The following FGGY variants were observed in gnomAD, a reference collection of about 807,000 sequenced individuals.
FGGY encodes FGGY carbohydrate kinase domain-containing protein.
Under a neutral mutation model 71.3 loss-of-function variants are expected in FGGY, and 72 were observed. That is an observed-to-expected ratio of 1.01 (90% CI 0.84 to 1.23). FGGY has a LOEUF of 1.23. FGGY is among the 50% of genes most tolerant of loss of function. The probability of loss-of-function intolerance (pLI) is 0.00; values close to 1 mark genes in which losing one functional copy is unlikely to be tolerated. For missense variants in FGGY, 668 were observed against 682.3 expected, an observed-to-expected ratio of 0.98 and a Z score of 0.23; for synonymous variants, 251 against 250.3, an observed-to-expected ratio of 1.00 and a Z score of -0.02.
At chr1:59,561,586 A>C (rs1464107934) in intron 8 of FGGY, among the ~76,000 whole-genome samples, 4 of 152,216 alleles carry the variant, frequency 2.6e-5, no homozygotes, top group Admixed American at 1.3e-4. Flanking sequence ...GGAGATAAGC[A>C]GTAATACTAC....
rs531672909 is a variant in FGGY, at chr1:59,691,230, G to C, written c.1512+17097G>C. Among the ~76,000 whole-genome samples the C allele has an allele frequency of 2.0e-5, 3 of 152,302 alleles. No homozygotes were observed. In the East Asian group the frequency reaches 5.8e-4, roughly 29 times the overall value. On this transcript the variant is annotated intron_variant, in intron 14 of 15. Coordinates refer to ENST00000303721, the MANE Select transcript of FGGY (RefSeq NM_018291.5). ...AGGAAATAACTGAAAATATTATAAT[G>C]TTTAATAATGATACTTAATAATTCA...
chr1:59,686,319 C>T (rs2097543790), intron 14 of FGGY, among the ~76,000 whole-genome samples: 1 of 152,090 alleles, frequency 6.6e-6, no homozygotes, highest in Non-Finnish European at 1.5e-5. Context: ...TTTTACAAGC[C>T]TGGCATCAGA....
At chr1:59,422,626 T>G (rs1319657706) in intron 5 of FGGY, among the ~76,000 whole-genome samples, 1 of 151,282 alleles carries the variant, frequency 6.6e-6, no homozygotes, top group Non-Finnish European at 1.5e-5. Context: ...GCCCAGGAGG[T>G]TGAGGCTGCA....
chr1:59,423,747 C>T (rs150495865), intron 5 of FGGY, among the ~76,000 whole-genome samples: 488 of 152,298 alleles, frequency 3.2e-3, no homozygotes, highest in Admixed American at 7.3e-3. Context: ...GTCATACTAC[C>T]GTGGCTCACC....
At chr1:59,656,973 G>A (rs1442332399) in intron 11 of FGGY, among the ~76,000 whole-genome samples, 1 of 152,122 alleles carries the variant, frequency 6.6e-6, no homozygotes, top group Non-Finnish European at 1.5e-5. Context: ...CTGAGCTCTG[G>A]AGGCACTGGA....
intron 8 of FGGY, among the ~76,000 whole-genome samples, chr1:59,600,062 T>G (rs1001869421): frequency 1.3e-5 from 2 of 152,124 alleles, no homozygotes; most frequent in African/African-American, 4.8e-5. Context: ...TGAGTGACGC[T>G]TAAGAGAGTA....
chr1:59,467,911 G>T (rs917268746), intron 6 of FGGY, among the ~76,000 whole-genome samples: 6 of 149,698 alleles, frequency 4.0e-5, no homozygotes, highest in Admixed American at 6.6e-5. Context: ...GTTTTGTTTT[G>T]TTTTTTTTTG....
intron 11 of FGGY, among the ~76,000 whole-genome samples, chr1:59,643,898 C>A (rs998418237): frequency 6.6e-6 from 1 of 152,204 alleles, no homozygotes; most frequent in Non-Finnish European, 1.5e-5. Context: ...CCCAAAGTCA[C>A]AAAGCCAAGA....
chr1:59,428,292 C>T (rs1374105750), intron 5 of FGGY, among the ~76,000 whole-genome samples: 2 of 149,886 alleles, frequency 1.3e-5, no homozygotes, highest in African/African-American at 4.9e-5. Flanking sequence ...TCACTTAACC[C>T]TCATCCTTAC....
At chr1:59,352,454 T>C (rs1166421034) in intron 4 of FGGY, among the ~76,000 whole-genome samples, 1 of 152,254 alleles carries the variant, frequency 6.6e-6, no homozygotes, top group Non-Finnish European at 1.5e-5. Flanking sequence ...ACCAACTGTC[T>C]GGAATGTCAC....
chr1:59,612,253 T>C (rs374260340), intron 9 of FGGY, among the ~76,000 whole-genome samples: 9 of 152,180 alleles, frequency 5.9e-5, no homozygotes, highest in African/African-American at 1.9e-4. Context: ...AGAGAAAGGT[T>C]GGGTTACCCA....
At chr1:59,674,617 G>A (rs562193701) in intron 14 of FGGY, among the ~76,000 whole-genome samples, 2 of 152,146 alleles carry the variant, frequency 1.3e-5, no homozygotes, top group African/African-American at 4.8e-5. Context: ...TAGGAAGAAG[G>A]AAACAATTTG....
At chr1:59,370,658 A>T (rs2057443019) in intron 4 of FGGY, among the ~76,000 whole-genome samples, 1 of 151,928 alleles carries the variant, frequency 6.6e-6, no homozygotes, top group Non-Finnish European at 1.5e-5. Flanking sequence ...GCCAGAGAGA[A>T]AGGTCAGGTT....
At chr1:59,762,405 CA>C (rs1214981008) in intron 15 of FGGY, 97 bp from the exon 16 acceptor site, 2 of 854,098 alleles carry the variant, frequency 2.3e-6, no homozygotes, top group African/African-American at 3.4e-5. Flanking sequence ...GTGTCAGCAT[CA>C]CCACCACACA....
chr1:59,296,746 C>T (rs1327794658), upstream of FGGY: 2 of 139,244 alleles, frequency 1.4e-5, no homozygotes, highest in African/African-American at 5.2e-5. Context: ...CCGCGCTTTA[C>T]AGGGGCCGCG....
chr1:59,603,249 A>G (rs1233902097), intron 8 of FGGY, among the ~76,000 whole-genome samples: 3 of 152,200 alleles, frequency 2.0e-5, no homozygotes, highest in Non-Finnish European at 4.4e-5. Flanking sequence ...GTAATTTTGA[A>G]TCTTGATTTG....
At chr1:59,654,127 A>G (rs1236212832) in intron 11 of FGGY, among the ~76,000 whole-genome samples, 2 of 152,254 alleles carry the variant, frequency 1.3e-5, no homozygotes, top group African/African-American at 4.8e-5. Flanking sequence ...TAGCACAGTC[A>G]TCTGCATTTC....
intron 1 of FGGY, among the ~76,000 whole-genome samples, chr1:59,320,686 G>A (rs1184837166): frequency 1.3e-5 from 2 of 152,106 alleles, no homozygotes; most frequent in African/African-American, 4.8e-5. Context: ...GTCTCCTCGG[G>A]GTTCCTTCCC....
At chr1:59,443,827 T>C (rs1219030872) in intron 5 of FGGY, among the ~76,000 whole-genome samples, 1 of 152,214 alleles carries the variant, frequency 6.6e-6, no homozygotes, top group Non-Finnish European at 1.5e-5. Flanking sequence ...TGATTGGGAA[T>C]AGGCCTTGGT....
Sources: allele counts gnomAD v4.1 joint callset (sites outside exome capture counted in the v4.1 genomes callset), GRCh38; gene constraint gnomAD v4.1.1; transcripts MANE v1.5; gene names NCBI Gene and HGNC (gene_info 2026-07-23, HGNC 2026-07-21).